SLC43A1: variants seen among roughly 807,000 people sequenced by gnomAD.
SLC43A1 encodes the protein solute carrier family 43 member 1, also known as large neutral amino acids transporter small subunit 3.
Under a neutral mutation model 59.5 loss-of-function variants are expected in SLC43A1, and 31 were observed. That is an observed-to-expected ratio of 0.52 (90% CI 0.39 to 0.70). The LOEUF is 0.70. Ranked by LOEUF, SLC43A1 falls within the 30% of genes least tolerant of loss-of-function variation. The pLI is 0.00. For missense variants in SLC43A1, 598 were observed against 717.8 expected (o/e 0.83, Z 1.91); for synonymous variants, 259 against 290.9 (o/e 0.89, Z 1.12).
rs191144243 is a variant in SLC43A1 at position 57,508,826 on chromosome 11, T to C, written c.154+5132A>G. On this transcript the variant is annotated intron_variant, in intron 2 of 14. Coordinates refer to ENST00000278426, the MANE Select transcript of SLC43A1 (RefSeq NM_003627.6). ...AAAACAAAAAAAAACAAATAAATTC[T>C]GAGAAAAGGACTGGGCACGGTGGCT... 2.6e-5 allele frequency among the ~76,000 whole-genome samples: 4 copies of C among 151,922 alleles called. No individual in the cohort carries two copies. In the East Asian group the frequency reaches 5.8e-4, roughly 22 times the overall value.
rs748129741 is a variant in SLC43A1 at position 57,489,314 on chromosome 11, G to A, written c.1272C>T (p.Thr424=). The change falls in exon 12 of 15, where the codon ACC becomes ACT. Residue 424 remains threonine, a synonymous_variant. Transcript: ENST00000278426. ...AACCCACAAGCAGCAGGTTGGTCAG[G>A]GTGAAGGCACTGATGGCATTGGTGA... ...QKLTNAISAF[T]LTNLLLVGFG... is the part of the protein sequence containing the mutation. The A allele has an allele frequency of 1.9e-6, 3 of 1,614,186 alleles. No individual in the cohort carries two copies. The highest frequency in any genetic ancestry group is 3.3e-5 in the Admixed American group (2 of 60,014).
At chr11:57,487,000 G>C in intron 14 of SLC43A1, 95 bp downstream of exon 14, 10 of 1,380,682 alleles carry the variant, frequency 7.2e-6, no homozygotes, top group Non-Finnish European at 9.1e-6. Flanking sequence ...GGTGCCTCTG[G>C]CTGAGATGAG....
rs200992333 is a variant in SLC43A1 at position 57,487,232 on chromosome 11, G to A, written c.1410-14C>T. 1.2e-4 allele frequency: 195 copies of A among 1,610,676 alleles called. No individual in the cohort carries two copies. The highest frequency in any genetic ancestry group is 4.4e-4 in the South Asian group (40 of 90,974). ...TTGGATGGGAACCTGTCCACGAGAC[G>A]GGGAGTATCAGGGGTGTGTGGCCCT... On this transcript the variant is annotated splice_polypyrimidine_tract_variant and intron_variant, in intron 13 of 14. Transcript: ENST00000278426.
At position 57,491,847 on chromosome 11, in the gene SLC43A1, C is replaced by T. The variant is rs141938667; in HGVS notation, c.887G>A (p.Arg296His). The change falls in exon 9 of 15, where the codon CGC (arginine) becomes CAC (histidine). Residue 296 changes from arginine (R) to histidine (H), a missense_variant. Coordinates refer to ENST00000278426, the MANE Select transcript of SLC43A1 (RefSeq NM_003627.6). ...ENLPERSVPL[R>H]KSLCSPTFLW... ...GAAAGTGGGGGAGCAGAGGCTCTTG[C>T]GTAAGGGGACAGACCCTGGGGAGAC... The T allele has an allele frequency of 1.9e-6, 3 of 1,613,980 alleles. No homozygotes were observed. Among genetic ancestry groups the T allele is most frequent in the South Asian group, 1.1e-5 (1 of 91,088 alleles).
Position 57,501,049 on chromosome 11 carries a change from G to C in SLC43A1, c.333-6C>G, listed in dbSNP as rs760116022. ...AGGACGCAGTGAAGCAGGCACTGTG[G>C]AGACACAGGGAAGGGCGAGGGGTTG... On this transcript the variant is annotated splice_region_variant and splice_polypyrimidine_tract_variant and intron_variant, in intron 3 of 14. Transcript: ENST00000278426. 3 of 1,604,786 alleles carry C rather than the reference G, an allele frequency of 1.9e-6. No individual in the cohort carries two copies. In the African/African-American group the frequency reaches 4.0e-5, roughly 21 times the overall value.
chr11:57,514,136 CAG>C lies in SLC43A1; in HGVS notation c.-13-14_-13-13del. The C allele has an allele frequency of 6.4e-6, 10 of 1,569,440 alleles. No individual in the cohort carries two copies. Among genetic ancestry groups the C allele is most frequent in the Non-Finnish European group, 7.8e-6 (9 of 1,160,116 alleles). ...TGCTGGCCCCGAGCCTGCACAGAAACAGAGCGCTGGGTGAAGGGCCCCCCAGT... is the reference window on the plus strand; with the variant it reads ...TGCTGGCCCCGAGCCTGCACAGAAACAGCGCTGGGTGAAGGGCCCCCCAGT... On this transcript the variant is annotated splice_polypyrimidine_tract_variant and intron_variant, in intron 1 of 14. Transcript: ENST00000278426. The surrounding 1 kb of genome is among the most constrained non-coding windows in gnomAD (Gnocchi z 5.5).
intron 14 of SLC43A1, among the ~76,000 whole-genome samples, chr11:57,485,988 T>G (rs1310040170): frequency 6.6e-6 from 1 of 152,186 alleles, no homozygotes; most frequent in Non-Finnish European, 1.5e-5. Flanking sequence ...AGGAAAAGAC[T>G]TACTAACAGC....
In SLC43A1 at chr11:57,487,152, CA is replaced by C; in HGVS notation, c.1475del (p.Leu492CysfsTer14). 1 of 1,614,088 alleles carries C rather than the reference CA, an allele frequency of 6.2e-7. No individual in the cohort carries two copies. The highest frequency in any genetic ancestry group is 8.5e-7 in the Non-Finnish European group (1 of 1,179,972). The part of the protein sequence containing the change: ...LQSLISAVFA[L>X]LQQPLFMAMV... ...TCGCCATGAAAAGTGGCTGCTGAAG[CA>C]AGGCGAACACAGCACTGATGAGGGA... On this transcript the variant is annotated frameshift_variant, in exon 14 of 15. Transcript: ENST00000278426. LOFTEE classifies it high-confidence loss of function.
intron 2 of SLC43A1, among the ~76,000 whole-genome samples, chr11:57,502,807 G>A (rs559286347): frequency 2.6e-5 from 4 of 151,210 alleles, no homozygotes; most frequent in Admixed American, 1.3e-4. Flanking sequence ...CCGGGCGGTC[G>A]AGGCTGCAGT....
At chr11:57,487,866 G>C (rs1590744048) in intron 13 of SLC43A1, among the ~76,000 whole-genome samples, 1 of 152,228 alleles carries the variant, frequency 6.6e-6, no homozygotes, top group Non-Finnish European at 1.5e-5. Context: ...TAGAAACAGG[G>C]ACTAGTACAT....
intron 8 of SLC43A1, among the ~76,000 whole-genome samples, chr11:57,492,571 TATA>T (rs1943957653): frequency 6.1e-5 from 1 of 16,302 alleles, no homozygotes; most frequent in Non-Finnish European, 1.1e-4. Flanking sequence ...TATATATATA[TATA>T]AAAAAATAAG....
chr11:57,510,400 G>C (rs372877399), intron 2 of SLC43A1, among the ~76,000 whole-genome samples: 1 of 142,386 alleles, frequency 7.0e-6, no homozygotes, highest in East Asian at 2.2e-4. Flanking sequence ...GGAGGTTGCA[G>C]TGAGCTGAGA....
Position 57,501,334 on chromosome 11 carries a change from G to C in SLC43A1, c.155-5C>G, listed in dbSNP as rs753359315. ...TGGTGTTGGTGCTGCTCTCAGCTGAGGAGGGGGAAGGGAGGGCTCAGCACA... is the reference window on the plus strand; with the variant it reads ...TGGTGTTGGTGCTGCTCTCAGCTGACGAGGGGGAAGGGAGGGCTCAGCACA... On this transcript the variant is annotated splice_polypyrimidine_tract_variant and splice_region_variant and intron_variant, in intron 2 of 14. Coordinates refer to ENST00000278426, the MANE Select transcript of SLC43A1 (RefSeq NM_003627.6). 18 of 1,606,900 alleles carry C rather than the reference G, an allele frequency of 1.1e-5. No homozygotes were observed. The highest frequency in any genetic ancestry group is 1.5e-5 in the Non-Finnish European group (18 of 1,179,786).
chr11:57,491,121 G>A (rs1943883955), intron 11 of SLC43A1, 103 bp downstream of exon 11: 1 of 1,375,106 alleles, frequency 7.3e-7, no homozygotes, highest in East Asian at 2.6e-5. Context: ...GATCTCCTAG[G>A]GTTCTTGGGA....
intron 5 of SLC43A1, among the ~76,000 whole-genome samples, chr11:57,498,666 C>T (rs574039290): frequency 6.6e-6 from 1 of 152,178 alleles, no homozygotes; most frequent in South Asian, 2.1e-4. Flanking sequence ...ACGTCCCAGC[C>T]CAGTTTCTGC....
Position 57,514,380 on chromosome 11 carries a change from T to G in SLC43A1, c.-13-256A>C. On this transcript the variant is annotated intron_variant, in intron 1 of 14. Coordinates refer to ENST00000278426, the MANE Select transcript of SLC43A1 (RefSeq NM_003627.6). This position sits in a 1 kb window ranked among gnomAD's most constrained non-coding sequence, Gnocchi z 5.5. ...GAAGGTCCTGTCTGCGCGCTGCAGC[T>G]TCCTAGCAGGCTGCCGGGTTCTCTC... 3 of 455,334 alleles carry G rather than the reference T, an allele frequency of 6.6e-6. No homozygotes were observed. Among genetic ancestry groups the G allele is most frequent in the Non-Finnish European group, 1.2e-5 (3 of 254,540 alleles). 28.2% of individuals were successfully genotyped at this position (455,334 alleles called of 1,614,324 possible).
At chr11:57,496,608 G>A (rs1221759450) in intron 6 of SLC43A1, among the ~76,000 whole-genome samples, 1 of 152,114 alleles carries the variant, frequency 6.6e-6, no homozygotes, top group South Asian at 2.1e-4. Flanking sequence ...CATTCCCCAG[G>A]GGAAAAGGCA....
intron 2 of SLC43A1, among the ~76,000 whole-genome samples, chr11:57,505,238 G>A (rs149579712): frequency 2.1e-4 from 32 of 152,274 alleles, no homozygotes; most frequent in Non-Finnish European, 3.4e-4. Context: ...TTGGCCAGCC[G>A]CAGTAGCTCG....
intron 2 of SLC43A1, among the ~76,000 whole-genome samples, chr11:57,511,276 T>A (rs1249072054): frequency 6.6e-6 from 1 of 151,844 alleles, no homozygotes; most frequent in African/African-American, 2.4e-5. Flanking sequence ...AATTTTTTTT[T>A]AATTAGCTGG....
Sources: gnomAD v4.1 joint callset for allele counts (sites outside exome capture counted in the v4.1 genomes callset) on GRCh38, gnomAD v4.1.1 for gene constraint, Gnocchi (gnomAD v3.1) non-coding constraint, MANE v1.5 for transcripts, NCBI Gene and HGNC (gene_info 2026-07-23, HGNC 2026-07-21) for gene names.